ODF2: variants seen among roughly 807,000 people sequenced by gnomAD.
ODF2 encodes outer dense fiber of sperm tails 2.
Under a neutral mutation model 110.2 loss-of-function variants are expected in ODF2, and 47 were observed. The observed-to-expected ratio is 0.43, with a 90% CI of 0.34 to 0.54. ODF2 has a LOEUF of 0.54. Among genes scored for constraint, ODF2 ranks in the 20% least tolerant of loss-of-function variants. The pLI is 0.03. For missense variants in ODF2, 812 were observed against 1,054.5 expected (o/e 0.77, Z 3.19); for synonymous variants, 352 against 397.7 (o/e 0.89, Z 1.37).
chr9:128,494,715 C>T lies in ODF2; in HGVS notation c.1911+47C>T, dbSNP rs377117945. The T allele has an allele frequency of 6.2e-6, 10 of 1,613,976 alleles. No individual in the cohort carries two copies. Among genetic ancestry groups the T allele is most frequent in the Non-Finnish European group, 8.5e-6 (10 of 1,180,038 alleles). On this transcript the variant is annotated intron_variant, in intron 17 of 20. Coordinates refer to ENST00000604420, the Ensembl canonical transcript of ODF2. The surrounding 1 kb of genome is among the most constrained non-coding windows in gnomAD (Gnocchi z 4.6). ...TCCCACGAACTGACCCGAGCAGGGG[C>T]CCGCATACCAAGATGAGCTGCACGC...
chr9:128,456,916 C>A (rs897280633), intron 1 of ODF2: 6 of 1,260,452 alleles, frequency 4.8e-6, no homozygotes, highest in African/African-American at 3.1e-5. Context: ...TCTTCCGTAA[C>A]GCCCCTTCTC....
chr9:128,488,956 G>A (rs1490303314), intron 14 of ODF2, among the ~76,000 whole-genome samples: 3 of 152,140 alleles, frequency 2.0e-5, no homozygotes, highest in Admixed American at 6.5e-5. Flanking sequence ...GCAGTGAGCC[G>A]AGATTGCGCC....
intron 8 of ODF2, among the ~76,000 whole-genome samples, chr9:128,480,677 C>T (rs1181963954): frequency 6.6e-6 from 1 of 152,002 alleles, no homozygotes; most frequent in Non-Finnish European, 1.5e-5. Context: ...ATTAGCCGGG[C>T]GTGGTGGCAG....
chr9:128,487,080 C>G (rs1843503137), intron 13 of ODF2, among the ~76,000 whole-genome samples: 1 of 152,098 alleles, frequency 6.6e-6, no homozygotes, highest in African/African-American at 2.4e-5. Context: ...CTCTCTCTCT[C>G]TCTCTTTTTT....
At position 128,494,538 on chromosome 9, in the gene ODF2, C is replaced by G. The variant is rs138287948; in HGVS notation, c.1781C>G (p.Ala594Gly). 6.2e-7 allele frequency: 1 copy of G among 1,614,084 alleles called. No individual in the cohort carries two copies. The highest frequency in any genetic ancestry group is 1.3e-5 in the African/African-American group (1 of 74,932). The change falls in exon 17 of 21, where the codon GCT becomes GGT. Residue 594 changes from alanine to glycine, a missense_variant. Physicochemically the swap from Ala to Gly is moderately conservative, Grantham distance 60 (BLOSUM62 0). This residue lies in a region of ODF2 where 165 missense variants were observed against 293.4 expected (regional missense o/e 0.56). Coordinates refer to ENST00000604420, the Ensembl canonical transcript of ODF2. The surrounding 1 kb of genome is among the most constrained non-coding windows in gnomAD (Gnocchi z 4.6). ...CGAAGGCAGTTCCAGTCTCAGCTGG[C>G]TGACCTGCAGCAGCTCCCTGACATC... is the stretch of plus-strand genomic sequence containing the variant.
intron 17 of ODF2, 118 bp from the exon 18 acceptor site, chr9:128,495,923 G>T: frequency 1.7e-6 from 2 of 1,194,892 alleles, no homozygotes; most frequent in Non-Finnish European, 2.4e-6. Context: ...GTTGAGACTT[G>T]GACACCTGCT....
intron 8 of ODF2, among the ~76,000 whole-genome samples, chr9:128,475,716 G>T (rs1036975788): frequency 8.6e-5 from 13 of 151,694 alleles, no homozygotes; most frequent in African/African-American, 3.1e-4. Flanking sequence ...CGCGATCTCT[G>T]TTCACTGCAA....
At position 128,466,833 on chromosome 9, in the gene ODF2, C is replaced by T. The variant is rs572690443; in HGVS notation, c.250-2350C>T. ...TCTACTAAAAGTACAAAAAATTAGC[C>T]GGGCATGGTGGCGGGCACCTGTAGT... On this transcript the variant is annotated intron_variant, in intron 4 of 20. Coordinates refer to ENST00000604420, the Ensembl canonical transcript of ODF2. Among the ~76,000 whole-genome samples the T allele has an allele frequency of 4.6e-3, 676 of 147,572 alleles. 4 individuals carry two copies. The highest frequency in any genetic ancestry group is 0.016 in the African/African-American group (633 of 40,520).
chr9:128,488,125 G>T, intron 14 of ODF2, 100 bp downstream of exon 14: 1 of 1,403,348 alleles, frequency 7.1e-7, no homozygotes. Context: ...GACTAAGAGG[G>T]AGTCAGAAAA....
exon 12 of ODF2, chr9:128,484,842 A>T (rs532722394): frequency 6.2e-7 from 1 of 1,614,058 alleles, no homozygotes; most frequent in South Asian, 1.1e-5. Context: ...AGCCGAGAAG[A>T]GCGAGGAGTA....
rs375854067 is a variant in ODF2 at position 128,493,997 on chromosome 9, G to A, written c.1753-513G>A. 1.3e-4 allele frequency among the ~76,000 whole-genome samples: 20 copies of A among 152,260 alleles called. 1 individual carries two copies. The highest frequency in any genetic ancestry group is 7.8e-4 in the Admixed American group (12 of 15,292). Reference sequence around the variant, plus strand: ...TTTAGTAGAGACAGGGTTTCACCTTGTTGGCCAGGGTGGTGTCGAACTCCT... The same window carrying A: ...TTTAGTAGAGACAGGGTTTCACCTTATTGGCCAGGGTGGTGTCGAACTCCT... On this transcript the variant is annotated intron_variant, in intron 16 of 20. Transcript: ENST00000604420.
In ODF2 at chr9:128,473,549, C is replaced by T. The variant is rs186973719; in HGVS notation, c.712-61C>T. The T allele has an allele frequency of 2.2e-5, 35 of 1,599,636 alleles. No individual in the cohort carries two copies. The East Asian group carries it at 6.7e-4, about 31-fold the overall frequency. On this transcript the variant is annotated intron_variant, in intron 7 of 20. Coordinates refer to ENST00000604420, the Ensembl canonical transcript of ODF2. ...TCTGGCACCAGACCTCTTGAGTGCC[C>T]ATGGGGCCTGCTTCTTCCCTTCTCC...
At chr9:128,497,437 AAAAAAAAAAATATATATATAT>A (rs1354343633) in intron 18 of ODF2, 56 of 97,468 alleles carry the variant, frequency 5.7e-4, no homozygotes, top group African/African-American at 2.7e-3. Context: ...AAAAAAAAAA[AAAAAAAAAAATATATATATAT>A]ATATATATAT....
At chr9:128,461,600 G>T (rs1359421561) in intron 4 of ODF2, among the ~76,000 whole-genome samples, 1 of 152,020 alleles carries the variant, frequency 6.6e-6, no homozygotes, top group African/African-American at 2.4e-5. Flanking sequence ...TAAATTTTTA[G>T]TAGAGATGGG....
Position 128,459,693 on chromosome 9 carries a change from C to A in ODF2, c.123+36C>A. On this transcript the variant is annotated intron_variant, in intron 3 of 20. Transcript: ENST00000604420. ...CACTCACGTAGCAGCCCTCTTTGGT[C>A]ACCTTGCTAAAAATGCTTTTGCACA... The A allele has an allele frequency of 2.6e-6, 4 of 1,537,016 alleles. No individual in the cohort carries two copies. In the South Asian group the frequency reaches 3.4e-5, roughly 13 times the overall value.
At chr9:128,495,910 T>C in intron 17 of ODF2, 131 bp from the exon 18 acceptor site, 2 of 1,011,124 alleles carry the variant, frequency 2.0e-6, no homozygotes, top group Admixed American at 4.0e-5. Flanking sequence ...CTCTAGGTTG[T>C]GCGTTGAGAC....
intron 10 of ODF2, among the ~76,000 whole-genome samples, chr9:128,483,102 G>A (rs1276210396): frequency 1.3e-5 from 2 of 152,062 alleles, no homozygotes; most frequent in Non-Finnish European, 2.9e-5. Flanking sequence ...CACCATGTTG[G>A]CCAGGATGGT....
rs765182356 is a variant in ODF2 at position 128,485,496 on chromosome 9, G to A, written c.1400+22G>A. 7.4e-7 allele frequency: 1 copy of A among 1,352,796 alleles called. No individual in the cohort carries two copies. Among genetic ancestry groups the A allele is most frequent in the Non-Finnish European group, 1.1e-6 (1 of 946,280 alleles). The allele number at this position is 1,352,796 out of a possible 1,614,324, so 83.8% of individuals were successfully genotyped here. A position where few individuals can be genotyped will look rare whatever the true frequency, so the allele number is the denominator to read the frequency against. On this transcript the variant is annotated intron_variant, in intron 13 of 20. Transcript: ENST00000604420. This position sits in a 1 kb window ranked among gnomAD's most constrained non-coding sequence, Gnocchi z 5.0. ...ATGAGTACGTCTTAGAGTAGGAGAG[G>A]GAATGTGGCGCTGTTGAGGGACTTG...
upstream of ODF2, chr9:128,455,310 G>A (rs370598534): frequency 7.8e-7 from 1 of 1,278,976 alleles, no homozygotes; most frequent in South Asian, 1.3e-5. Flanking sequence ...CAAGCACTTT[G>A]GAAGGCCGAG....
Sources: gnomAD v4.1 joint callset for allele counts (sites outside exome capture counted in the v4.1 genomes callset) on GRCh38, gnomAD v4.1.1 for gene constraint, gnomAD v4.1.1 regional missense constraint, Gnocchi (gnomAD v3.1) non-coding constraint, MANE v1.5 for transcripts, NCBI Gene and HGNC (gene_info 2026-07-23, HGNC 2026-07-21) for gene names.